Variants in BOC observed in about 807,000 individuals in gnomAD.
BOC encodes the protein brother of CDO.
Under a neutral mutation model 112.0 loss-of-function variants are expected in BOC, and 76 were observed. The observed-to-expected ratio is 0.68, with a 90% CI of 0.56 to 0.82. The LOEUF (loss-of-function observed/expected upper bound fraction) is 0.82. Among genes scored for constraint, BOC ranks in the 40% least tolerant of loss-of-function variants. The probability of loss-of-function intolerance (pLI) is 0.00; values close to 1 mark genes in which losing one functional copy is unlikely to be tolerated. For synonymous variants in BOC, 580 were observed against 599.8 expected, an observed-to-expected ratio of 0.97 and a Z score of 0.48; for missense variants, 1,309 against 1,511.7, an observed-to-expected ratio of 0.87 and a Z score of 2.22.
At chr3:113,259,467 A>G (rs761013327) in intron 4 of BOC, among the ~76,000 whole-genome samples, 1 of 152,202 alleles carries the variant, frequency 6.6e-6, no homozygotes, top group Non-Finnish European at 1.5e-5. Context: ...ATGGTGCAAG[A>G]TGCTTTCTTT....
intron 9 of BOC, among the ~76,000 whole-genome samples, chr3:113,275,942 C>G (rs771260734): frequency 2.0e-5 from 3 of 152,234 alleles, no homozygotes; most frequent in Non-Finnish European, 4.4e-5. Context: ...TCTGCTGCCT[C>G]CCCAGAGGCA....
In BOC at chr3:113,283,445, A is replaced by C. The variant is rs1576511154; in HGVS notation, c.2469A>C (p.Pro823=). The C allele has an allele frequency of 6.2e-7, 1 of 1,609,318 alleles. No homozygotes were observed. Among genetic ancestry groups the C allele is most frequent in the Non-Finnish European group, 8.5e-7 (1 of 1,176,200 alleles). ...RKSSGQPGRL[P]PPTLAPPQPP... is the part of the protein sequence containing the mutation. The stretch of plus-strand genomic sequence containing the variant: ...CTTCTGGCCAGCCTGGTCGACTGCC[A>C]CCCCCAACTCTGGCCCCACCACAGC... Residue 823 remains proline (P), a synonymous_variant, in exon 16 of 20, where the codon CCA becomes CCC. Coordinates refer to ENST00000682979, the MANE Select transcript of BOC (RefSeq NM_001378074.1).
chr3:113,270,542 T>A (rs1947994779), intron 5 of BOC: 2 of 455,734 alleles, frequency 4.4e-6, no homozygotes, highest in Admixed American at 7.9e-5. Flanking sequence ...TGCACTAAGT[T>A]GTGGCAGTTA....
At chr3:113,265,087 G>A (rs1436961762) in intron 4 of BOC, among the ~76,000 whole-genome samples, 1 of 152,230 alleles carries the variant, frequency 6.6e-6, no homozygotes, top group Non-Finnish European at 1.5e-5. Context: ...GTCAGAGGGT[G>A]CAGCAGGAGC....
At chr3:113,241,033 G>A (rs547533864) in intron 2 of BOC, among the ~76,000 whole-genome samples, 12 of 152,310 alleles carry the variant, frequency 7.9e-5, no homozygotes, top group South Asian at 2.1e-4. Flanking sequence ...AGGCTGGTGC[G>A]TCCTCTGCCC....
At chr3:113,250,151 T>C (rs1945434586) in intron 3 of BOC, among the ~76,000 whole-genome samples, 1 of 152,236 alleles carries the variant, frequency 6.6e-6, no homozygotes, top group African/African-American at 2.4e-5. Flanking sequence ...CTGCTTTTTA[T>C]TGTGCACTTA....
At chr3:113,259,096 G>A (rs181240663) in intron 4 of BOC, among the ~76,000 whole-genome samples, 2 of 152,306 alleles carry the variant, frequency 1.3e-5, no homozygotes, top group Admixed American at 1.3e-4. Context: ...GATCCGTGGT[G>A]TAAGTTCTGC....
At chr3:113,215,930 CT>C (rs1939282021) in intron 1 of BOC, among the ~76,000 whole-genome samples, 1 of 152,198 alleles carries the variant, frequency 6.6e-6, no homozygotes, top group Admixed American at 6.5e-5. Flanking sequence ...TGAAAATGGA[CT>C]GCTGAACATA....
At chr3:113,217,663 T>A (rs558316547) in intron 2 of BOC, among the ~76,000 whole-genome samples, 39 of 152,212 alleles carry the variant, frequency 2.6e-4, no homozygotes, top group Non-Finnish European at 4.4e-4. Context: ...TATCTCTCCT[T>A]GTATGTGTTG....
At chr3:113,253,122 G>C (rs1945835863) in intron 4 of BOC, among the ~76,000 whole-genome samples, 1 of 152,070 alleles carries the variant, frequency 6.6e-6, no homozygotes, top group Non-Finnish European at 1.5e-5. Context: ...CCATCATTTT[G>C]GAGTATACCC....
In BOC at chr3:113,273,096, C is replaced by G. The variant is rs2107665934; in HGVS notation, c.989C>G (p.Ser330Cys). 3 of 1,608,516 alleles carry G rather than the reference C, an allele frequency of 1.9e-6. No individual in the cohort carries two copies. In the East Asian group the frequency reaches 6.7e-5, roughly 36 times the overall value. ...CCCCCTGAGGTCACCATGGAGCTATCCCAGCTGGTCATCCCCTGGGGCCAG... is the reference window on the plus strand; with the variant it reads ...CCCCCTGAGGTCACCATGGAGCTATGCCAGCTGGTCATCCCCTGGGGCCAG... ...FEPPEVTMELSQLVIPWGQSA... is the reference protein window; with the variant it reads ...FEPPEVTMELCQLVIPWGQSA... The change falls in exon 8 of 20, where the codon TCC becomes TGC. Residue 330 changes from serine (S) to cysteine (C), a missense_variant. Coordinates refer to ENST00000682979, the MANE Select transcript of BOC (RefSeq NM_001378074.1).
At chr3:113,264,818 G>C (rs938537450) in intron 4 of BOC, among the ~76,000 whole-genome samples, 1 of 152,186 alleles carries the variant, frequency 6.6e-6, no homozygotes, top group Admixed American at 6.5e-5. Context: ...GGAGGCACGG[G>C]GGGAGGGGGG....
chr3:113,264,271 A>C (rs1947212672), intron 4 of BOC, among the ~76,000 whole-genome samples: 1 of 152,218 alleles, frequency 6.6e-6, no homozygotes, highest in African/African-American at 2.4e-5. Context: ...TGGAAAATGC[A>C]CAAAGAGAGG....
At chr3:113,220,160 C>T (rs1940320778) in intron 2 of BOC, among the ~76,000 whole-genome samples, 1 of 152,142 alleles carries the variant, frequency 6.6e-6, no homozygotes, top group Non-Finnish European at 1.5e-5. Flanking sequence ...AAGATGGTAC[C>T]TTCCAGGCAA....
At chr3:113,272,279 C>A in intron 6 of BOC, 131 bp from the exon 7 acceptor site, 1 of 997,408 alleles carries the variant, frequency 1.0e-6, no homozygotes, top group Non-Finnish European at 1.5e-6. Flanking sequence ...ACGCCCCACT[C>A]TACATAGGTT....
At chr3:113,235,370 T>C (rs559105953) in intron 2 of BOC, among the ~76,000 whole-genome samples, 9 of 152,310 alleles carry the variant, frequency 5.9e-5, no homozygotes, top group African/African-American at 2.2e-4. Flanking sequence ...GAGCATTCAC[T>C]GAATGAGGTC....
intron 4 of BOC, among the ~76,000 whole-genome samples, chr3:113,259,396 A>G (rs935324482): frequency 2.0e-5 from 3 of 152,226 alleles, no homozygotes; most frequent in Non-Finnish European, 4.4e-5. Context: ...AGCCTTTTGC[A>G]CCAGAAGCCA....
chr3:113,249,986 T>G, intron 3 of BOC, 87 bp downstream of exon 3: 6 of 1,111,506 alleles, frequency 5.4e-6, no homozygotes, highest in African/African-American at 1.6e-5. Flanking sequence ...AGGCCTTCTT[T>G]ACCTGGATTT....
intron 4 of BOC, among the ~76,000 whole-genome samples, chr3:113,261,373 A>C (rs1946855053): frequency 6.6e-6 from 1 of 152,142 alleles, no homozygotes. Flanking sequence ...CTGGCAAGTA[A>C]ATCTTTTTTT....
Sources: gnomAD v4.1 joint callset for allele counts (sites outside exome capture counted in the v4.1 genomes callset) on GRCh38, gnomAD v4.1.1 for gene constraint, MANE v1.5 for transcripts, NCBI Gene and HGNC (gene_info 2026-07-23, HGNC 2026-07-21) for gene names.